CSMD2: variants seen among roughly 807,000 people sequenced by gnomAD.
CSMD2 encodes CUB and sushi domain-containing protein 2.
CSMD2 carries 130 observed loss-of-function variants against 398.5 expected under a neutral mutation model. That is an observed-to-expected ratio of 0.33 (90% CI 0.28 to 0.38). CSMD2 has a LOEUF of 0.38. Ranked by LOEUF, CSMD2 falls within the 10% of genes least tolerant of loss-of-function variation. The pLI is 1.00. For missense variants in CSMD2, 3,829 were observed against 4,764.9 expected (o/e 0.80, Z 5.78); for synonymous variants, 1,828 against 1,908.5 (o/e 0.96, Z 1.10).
chr1:33,587,877 T>C (rs1003512840), intron 44 of CSMD2, among the ~76,000 whole-genome samples: 2 of 152,260 alleles, frequency 1.3e-5, no homozygotes, highest in African/African-American at 4.8e-5. Context: ...AGTCAAGTGC[T>C]ATACAAGTGT....
intron 62 of CSMD2, among the ~76,000 whole-genome samples, chr1:33,535,879 C>T (rs1054530156): frequency 6.6e-6 from 1 of 152,210 alleles, no homozygotes; most frequent in Non-Finnish European, 1.5e-5. Context: ...CCTTCCCTAA[C>T]CACCTTTCCT....
At chr1:33,551,535 A>G (rs1473144785) in intron 55 of CSMD2, among the ~76,000 whole-genome samples, 1 of 152,224 alleles carries the variant, frequency 6.6e-6, no homozygotes, top group Non-Finnish European at 1.5e-5. Context: ...ACAGGTGACC[A>G]AGTGGTAAAA....
intron 55 of CSMD2, among the ~76,000 whole-genome samples, chr1:33,556,208 G>T (rs963096477): frequency 6.6e-6 from 1 of 152,152 alleles, no homozygotes; most frequent in African/African-American, 2.4e-5. Flanking sequence ...AACAATTTGA[G>T]TCCACTAGGG....
chr1:33,969,406 G>A (rs938417231), intron 3 of CSMD2, among the ~76,000 whole-genome samples: 7 of 152,130 alleles, frequency 4.6e-5, no homozygotes, highest in African/African-American at 1.7e-4. Context: ...TCACATTTGA[G>A]GTTTAGATCA....
intron 41 of CSMD2, among the ~76,000 whole-genome samples, chr1:33,607,567 T>C (rs1287953497): frequency 6.6e-6 from 1 of 152,200 alleles, no homozygotes; most frequent in Non-Finnish European, 1.5e-5. Flanking sequence ...TTTGGGCCTA[T>C]CACAAATGAT....
intron 31 of CSMD2, among the ~76,000 whole-genome samples, chr1:33,634,698 C>T (rs1005904666): frequency 1.3e-5 from 2 of 152,152 alleles, no homozygotes; most frequent in African/African-American, 4.8e-5. Flanking sequence ...TCCCAGGGCA[C>T]TGGTCTGCTT....
In CSMD2 at chr1:33,640,969, C is replaced by T. The variant is rs137966580; in HGVS notation, c.4775-4415G>A. On this transcript the variant is annotated intron_variant, in intron 29 of 70. Transcript: ENST00000373381. Reference sequence around the variant, plus strand: ...CTTTTTAGGACCTTCCATTAAAAATCGATTCACTTTGGTCTTTCCTGTGTT... The same window carrying T: ...CTTTTTAGGACCTTCCATTAAAAATTGATTCACTTTGGTCTTTCCTGTGTT... Among the ~76,000 whole-genome samples the T allele has an allele frequency of 5.3e-5, 8 of 152,230 alleles. No homozygotes were observed. In the South Asian group the frequency reaches 1.0e-3, roughly 20 times the overall value.
chr1:33,739,414 G>T, intron 14 of CSMD2, 80 bp from the exon 15 acceptor site: 1 of 1,370,072 alleles, frequency 7.3e-7, no homozygotes, highest in Non-Finnish European at 1.0e-6. Context: ...GCTTCCTTGG[G>T]ATGGGAAACC....
At chr1:34,002,836 A>C (rs1373017100) in intron 3 of CSMD2, among the ~76,000 whole-genome samples, 1 of 152,198 alleles carries the variant, frequency 6.6e-6, no homozygotes, top group Non-Finnish European at 1.5e-5. Context: ...TGGAAAAGAT[A>C]AATTAAAAAA....
intron 15 of CSMD2, among the ~76,000 whole-genome samples, chr1:33,731,809 A>T (rs1030810396): frequency 6.6e-6 from 1 of 152,244 alleles, no homozygotes; most frequent in African/African-American, 2.4e-5. Flanking sequence ...TTTTAAAATG[A>T]TAGCAATGTG....
intron 5 of CSMD2, among the ~76,000 whole-genome samples, chr1:33,848,325 A>T (rs1159790964): frequency 6.6e-6 from 1 of 152,170 alleles, no homozygotes; most frequent in Non-Finnish European, 1.5e-5. Context: ...TTCTTTCACA[A>T]TCTGGGGCTA....
intron 1 of CSMD2, among the ~76,000 whole-genome samples, chr1:34,115,455 A>G (rs917534312): frequency 6.6e-6 from 1 of 152,138 alleles, no homozygotes; most frequent in Admixed American, 6.5e-5. Context: ...CAAAGTACTG[A>G]AAGGAAAAAG....
chr1:33,567,844 A>G lies in CSMD2; in HGVS notation c.8132-3T>C. 1 of 1,568,404 alleles carries G rather than the reference A, an allele frequency of 6.4e-7. No individual in the cohort carries two copies. On this transcript the variant is annotated splice_region_variant and splice_polypyrimidine_tract_variant and intron_variant, in intron 52 of 70. Transcript: ENST00000373381. ...GGAGTGGAGCTTGGTCTGAGTGGCT[A>G]GAGACAGGGATGGTGGGGAAAAGGA...
intron 40 of CSMD2, among the ~76,000 whole-genome samples, chr1:33,612,683 T>C (rs150152177): frequency 4.6e-5 from 1 of 21,874 alleles, no homozygotes; most frequent in Non-Finnish European, 8.6e-5. Context: ...TTTGTGATGG[T>C]TTTTTTTTTT....
intron 25 of CSMD2, among the ~76,000 whole-genome samples, chr1:33,663,562 A>T (rs533406881): frequency 6.6e-6 from 1 of 152,214 alleles, no homozygotes; most frequent in South Asian, 2.1e-4. Context: ...TGGCCCAGCC[A>T]TGGTGCAGGT....
At chr1:34,140,161 C>T (rs886393715) in intron 1 of CSMD2, among the ~76,000 whole-genome samples, 1 of 151,970 alleles carries the variant, frequency 6.6e-6, no homozygotes, top group African/African-American at 2.4e-5. Flanking sequence ...TATCCAAGGG[C>T]AAGACACACA....
chr1:33,674,081 C>A (rs1360297161), intron 25 of CSMD2, among the ~76,000 whole-genome samples: 4 of 152,132 alleles, frequency 2.6e-5, no homozygotes, highest in Non-Finnish European at 4.4e-5. Flanking sequence ...CTAACATCAT[C>A]ATGACAGGAT....
At chr1:33,569,998 G>A (rs995727294) in intron 51 of CSMD2, among the ~76,000 whole-genome samples, 2 of 152,224 alleles carry the variant, frequency 1.3e-5, no homozygotes, top group Non-Finnish European at 2.9e-5. Flanking sequence ...TCTGGCTGAT[G>A]TATGAGGTGA....
chr1:34,135,634 A>G (rs1230276586), intron 1 of CSMD2, among the ~76,000 whole-genome samples: 1 of 151,154 alleles, frequency 6.6e-6, no homozygotes, highest in East Asian at 1.9e-4. Context: ...AAAAAAAAAA[A>G]AAAAAAAAAG....
Sources: allele counts gnomAD v4.1 joint callset (sites outside exome capture counted in the v4.1 genomes callset), GRCh38; gene constraint gnomAD v4.1.1; transcripts MANE v1.5; gene names NCBI Gene and HGNC (gene_info 2026-07-23, HGNC 2026-07-21).